The following KCMF1 variants were observed in gnomAD, a reference collection of about 807,000 sequenced individuals.
KCMF1 encodes E3 ubiquitin-protein ligase KCMF1.
KCMF1 carries 3 observed loss-of-function variants against 41.1 expected under a neutral mutation model. The observed-to-expected ratio is 0.07, with a 90% confidence interval of 0.03 to 0.19. The LOEUF is 0.19. Ranked by LOEUF, KCMF1 falls within the 10% of genes least tolerant of loss-of-function variation. KCMF1 has a pLI of 1.00. For synonymous variants in KCMF1, 142 were observed against 164.5 expected, an observed-to-expected ratio of 0.86 and a Z score of 1.04; for missense variants, 286 against 488.9, an observed-to-expected ratio of 0.58 and a Z score of 3.91.
intron 1 of KCMF1, among the ~76,000 whole-genome samples, chr2:85,012,055 T>C (rs1346088970): frequency 6.6e-6 from 1 of 152,230 alleles, no homozygotes; most frequent in African/African-American, 2.4e-5. Flanking sequence ...CGACCAACTT[T>C]ACTTCAAGTG....
rs116191303 is a variant in KCMF1 at position 85,044,399 on chromosome 2, G to T, written c.426+734G>T. Among the ~76,000 whole-genome samples, 6 of 151,888 alleles carry T rather than the reference G, an allele frequency of 4.0e-5. No homozygotes were observed. The East Asian group carries it at 1.2e-3, about 29-fold the overall frequency. On this transcript the variant is annotated intron_variant, in intron 4 of 6. Transcript: ENST00000409785. The stretch of plus-strand genomic sequence containing the variant: ...TCTTTTCTTTTTTTTTTAAAAGTCG[G>T]AGTCTTGCTCTGTCAGCCAGGCTGG...
At position 85,054,541 on chromosome 2, in the gene KCMF1, T is replaced by C. The variant is rs1016430967; in HGVS notation, c.*1132T>C. The C allele has an allele frequency of 1.3e-5, 2 of 152,134 alleles. No individual in the cohort carries two copies. Among genetic ancestry groups the C allele is most frequent in the African/African-American group, 4.8e-5 (2 of 41,428 alleles). 9.4% of individuals were successfully genotyped at this position (152,134 alleles called of 1,614,324 possible). ...GCCACCTATATGCCTATATTATTAA[T>C]CCTATGTGTAAAAAAAATGTACAGC... On this transcript the variant is annotated 3_prime_UTR_variant, in exon 7 of 7. Transcript: ENST00000409785.
At chr2:84,984,308 C>T (rs138567020) in intron 1 of KCMF1, among the ~76,000 whole-genome samples, 2,666 of 151,858 alleles carry the variant, frequency 0.018, 63 homozygotes, top group African/African-American at 0.061. Context: ...GCTGTGTTGC[C>T]AAGGCTGGTC....
chr2:84,992,258 C>G (rs1191086140), intron 1 of KCMF1, among the ~76,000 whole-genome samples: 1 of 152,092 alleles, frequency 6.6e-6, no homozygotes, highest in Non-Finnish European at 1.5e-5. Flanking sequence ...ATCATTTTAG[C>G]TCTTTTTCTT....
chr2:85,053,532 C>T lies in KCMF1; in HGVS notation c.*123C>T, dbSNP rs1002607967. On this transcript the variant is annotated 3_prime_UTR_variant, in exon 7 of 7. Transcript: ENST00000409785. The stretch of plus-strand genomic sequence containing the variant: ...TCTGTCACTCTTGTTACATTGTGTA[C>T]ATTCAAAAGGAAGAGAGAAAATATA... 16 of 980,902 alleles carry T rather than the reference C, an allele frequency of 1.6e-5. No homozygotes were observed. The highest frequency in any genetic ancestry group is 2.2e-5 in the Non-Finnish European group (15 of 674,072). The allele number at this position is 980,902 out of a possible 1,614,324, so 60.8% of individuals were successfully genotyped here. A position where few individuals can be genotyped will look rare whatever the true frequency, so the allele number is the denominator to read the frequency against.
intron 6 of KCMF1, 84 bp downstream of exon 6, chr2:85,049,732 C>T: frequency 1.8e-6 from 2 of 1,125,390 alleles, no homozygotes; most frequent in African/African-American, 1.6e-5. Context: ...CTCTTTTGTG[C>T]ATTATATTTC....
intron 5 of KCMF1, among the ~76,000 whole-genome samples, chr2:85,046,585 G>A (rs1021353374): frequency 6.7e-6 from 1 of 149,898 alleles, no homozygotes; most frequent in Non-Finnish European, 1.5e-5. Context: ...AGCCGAGATC[G>A]CACCACTGCA....
intron 6 of KCMF1, among the ~76,000 whole-genome samples, chr2:85,052,320 C>T (rs1675828395): frequency 6.6e-6 from 1 of 152,190 alleles, no homozygotes; most frequent in African/African-American, 2.4e-5. Flanking sequence ...ATCCGCCCGC[C>T]TTGGCCTCCC....
intron 1 of KCMF1, among the ~76,000 whole-genome samples, chr2:84,993,357 CAG>C (rs1358901808): frequency 6.6e-6 from 1 of 152,072 alleles, no homozygotes; most frequent in Admixed American, 6.6e-5. Context: ...GAGTAGCTCA[CAG>C]AGTGTTGATC....
intron 1 of KCMF1, among the ~76,000 whole-genome samples, chr2:85,009,904 C>T (rs944581616): frequency 1.3e-5 from 2 of 152,182 alleles, no homozygotes; most frequent in South Asian, 2.1e-4. Context: ...AGCAGTTCTT[C>T]ACCCTAACTA....
chr2:85,017,541 T>G (rs558399912), intron 1 of KCMF1, among the ~76,000 whole-genome samples: 2 of 152,066 alleles, frequency 1.3e-5, no homozygotes, highest in Admixed American at 1.3e-4. Flanking sequence ...TTTCACAGAA[T>G]AGAAAAGAGG....
intron 1 of KCMF1, among the ~76,000 whole-genome samples, chr2:84,992,991 C>T (rs987445163): frequency 1.3e-5 from 2 of 151,924 alleles, no homozygotes; most frequent in Admixed American, 6.6e-5. Context: ...CCCAGGTATT[C>T]GAGACTAGCC....
chr2:84,987,964 T>C (rs1175164512), intron 1 of KCMF1, among the ~76,000 whole-genome samples: 1 of 152,126 alleles, frequency 6.6e-6, no homozygotes, highest in Non-Finnish European at 1.5e-5. Context: ...CTCACACCTG[T>C]AATCCCAGCA....
Position 85,031,957 on chromosome 2 carries a change from C to G in KCMF1, c.185-3059C>G, listed in dbSNP as rs192837829. ...GTCTTGTTACATTGTAAAGGCTTGTCTCAAACTCCTGAGCTCAAGTGGTCC... is the reference window on the plus strand; with the variant it reads ...GTCTTGTTACATTGTAAAGGCTTGTGTCAAACTCCTGAGCTCAAGTGGTCC... On this transcript the variant is annotated intron_variant, in intron 2 of 6. Coordinates refer to ENST00000409785, the MANE Select transcript of KCMF1 (RefSeq NM_020122.5). 3.3e-4 allele frequency among the ~76,000 whole-genome samples: 51 copies of G among 152,258 alleles called. 1 individual carries two copies. The highest frequency in any genetic ancestry group is 1.2e-3 in the African/African-American group (50 of 41,542).
chr2:85,032,278 T>G (rs1425055016), intron 2 of KCMF1, among the ~76,000 whole-genome samples: 1 of 152,176 alleles, frequency 6.6e-6, no homozygotes, highest in African/African-American at 2.4e-5. Flanking sequence ...TTCAAGCGAT[T>G]CTCCTGCCTC....
chr2:85,024,589 T>TGTGTGTGTGTGTGTGCGC (rs1675043387), intron 1 of KCMF1, among the ~76,000 whole-genome samples: 2 of 151,034 alleles, frequency 1.3e-5, no homozygotes, highest in South Asian at 2.1e-4. Flanking sequence ...AGAGAGTGTG[T>TGTGTGTGTGTGTGTGCGC]GTGTGTGTGT....
intron 1 of KCMF1, among the ~76,000 whole-genome samples, chr2:84,983,053 G>A (rs1385304305): frequency 1.3e-5 from 2 of 152,126 alleles, no homozygotes; most frequent in Middle Eastern, 3.4e-3. Flanking sequence ...ATGTTTCTTC[G>A]TTATTCTAGA....
intron 1 of KCMF1, among the ~76,000 whole-genome samples, chr2:85,025,161 AT>A (rs1675060898): frequency 1.3e-5 from 2 of 152,156 alleles, no homozygotes; most frequent in South Asian, 4.1e-4. Flanking sequence ...TATTAATTGT[AT>A]TGAATCCACA....
intron 1 of KCMF1, among the ~76,000 whole-genome samples, chr2:85,008,288 T>G (rs1438320881): frequency 1.9e-4 from 18 of 96,466 alleles, no homozygotes; most frequent in African/African-American, 7.7e-4. Flanking sequence ...ATATGATATA[T>G]AATATATATA....
Sources: allele counts gnomAD v4.1 joint callset (sites outside exome capture counted in the v4.1 genomes callset), GRCh38; gene constraint gnomAD v4.1.1; transcripts MANE v1.5; gene names NCBI Gene and HGNC (gene_info 2026-07-23, HGNC 2026-07-21).